FAM149B1: variants seen among roughly 807,000 people sequenced by gnomAD.
FAM149B1 encodes family with sequence similarity 149 member B1, also known as primary cilium assembly protein FAM149B1.
Under a neutral mutation model 75.3 loss-of-function variants are expected in FAM149B1, and 56 were observed. That is an observed-to-expected ratio of 0.74 (90% CI 0.60 to 0.93). FAM149B1 has a LOEUF of 0.93. FAM149B1 is among the 40% of genes least tolerant of loss of function. FAM149B1 has a pLI of 0.00. For synonymous variants in FAM149B1, 259 were observed against 256.1 expected, an observed-to-expected ratio of 1.01 and a Z score of -0.11; for missense variants, 639 against 708.4, an observed-to-expected ratio of 0.90 and a Z score of 1.11.
intron 2 of FAM149B1, 101 bp downstream of exon 2, chr10:73,174,892 C>A: frequency 1.3e-6 from 1 of 755,616 alleles, no homozygotes. Context: ...CTAATGAAAA[C>A]AAAGCAAGAA....
chr10:73,228,098 G>C lies in FAM149B1; in HGVS notation c.937G>C (p.Glu313Gln). Reference protein sequence around the residue: ...SNVAVTRPDSESSCVLSELHP... With the variant: ...SNVAVTRPDSQSSCVLSELHP... ...TGTTGCAGTTACCAGACCCGATTCAGAAAGTTCCTGTGTGCTGAGTGAACT... is the reference window on the plus strand; with the variant it reads ...TGTTGCAGTTACCAGACCCGATTCACAAAGTTCCTGTGTGCTGAGTGAACT... Residue 313 changes from glutamate to glutamine, a missense_variant, in exon 8 of 14, where the codon GAA (glutamate) becomes CAA (glutamine). Coordinates refer to ENST00000242505, the MANE Select transcript of FAM149B1 (RefSeq NM_173348.2). 1 of 1,551,514 alleles carries C rather than the reference G, an allele frequency of 6.4e-7. No homozygotes were observed. The highest frequency in any genetic ancestry group is 8.7e-7 in the Non-Finnish European group (1 of 1,146,768).
chr10:73,195,992 A>G (rs574608019), intron 5 of FAM149B1, among the ~76,000 whole-genome samples: 47 of 152,354 alleles, frequency 3.1e-4, no homozygotes, highest in African/African-American at 1.1e-3. Flanking sequence ...CTCGAGTACC[A>G]TTATGAACTC....
intron 7 of FAM149B1, among the ~76,000 whole-genome samples, chr10:73,212,536 A>G (rs540573828): frequency 6.9e-4 from 105 of 152,246 alleles, no homozygotes; most frequent in African/African-American, 2.4e-3. Flanking sequence ...TCAGCCTCCC[A>G]AAGTGCTGGG....
At chr10:73,203,176 G>T (rs183455270) in intron 5 of FAM149B1, among the ~76,000 whole-genome samples, 1 of 152,108 alleles carries the variant, frequency 6.6e-6, no homozygotes, top group Non-Finnish European at 1.5e-5. Flanking sequence ...CGCTTTCCAC[G>T]TAGCAGAAAG....
At position 73,243,791 on chromosome 10, in the gene FAM149B1, T is replaced by C; in HGVS notation, c.*2772T>C. 1 of 1,468,136 alleles carries C rather than the reference T, an allele frequency of 6.8e-7. No individual in the cohort carries two copies. Among genetic ancestry groups the C allele is most frequent in the African/African-American group, 1.4e-5 (1 of 71,176 alleles). 90.9% of individuals were successfully genotyped at this position (1,468,136 alleles called of 1,614,324 possible). A position where few individuals can be genotyped will look rare whatever the true frequency, so the allele number is the denominator to read the frequency against. On this transcript the variant is annotated 3_prime_UTR_variant, in exon 14 of 14. Transcript: ENST00000242505. ...AAATACAACATTCCAAAGAAAATATTAGCAGTAGGAATCAGATCATTAAAG... is the reference window on the plus strand; with the variant it reads ...AAATACAACATTCCAAAGAAAATATCAGCAGTAGGAATCAGATCATTAAAG...
At chr10:73,231,972 C>T (rs1213877558) in intron 9 of FAM149B1, among the ~76,000 whole-genome samples, 1 of 151,190 alleles carries the variant, frequency 6.6e-6, no homozygotes, top group Admixed American at 6.6e-5. Context: ...GGCAGGAAGA[C>T]CAGAACAGTC....
chr10:73,226,229 G>A (rs183634699), intron 7 of FAM149B1, among the ~76,000 whole-genome samples: 11 of 152,098 alleles, frequency 7.2e-5, no homozygotes, highest in Non-Finnish European at 1.5e-4. Context: ...ACTTTGGGCC[G>A]GGCACAGTGG....
At chr10:73,178,280 T>C (rs1012588114) in intron 3 of FAM149B1, among the ~76,000 whole-genome samples, 2 of 152,022 alleles carry the variant, frequency 1.3e-5, no homozygotes, top group Non-Finnish European at 2.9e-5. Context: ...TCACCTGAGG[T>C]TGGGAGTTCT....
intron 7 of FAM149B1, among the ~76,000 whole-genome samples, chr10:73,223,233 C>T (rs368232902): frequency 0.47 from 381 of 816 alleles, no homozygotes; most frequent in Middle Eastern, 0.5. Context: ...CGTACCCCCA[C>T]AAGATAACCC....
At chr10:73,240,494 C>T (rs950276792) in intron 13 of FAM149B1, among the ~76,000 whole-genome samples, 10 of 152,104 alleles carry the variant, frequency 6.6e-5, no homozygotes, top group Non-Finnish European at 1.0e-4. Flanking sequence ...GGGCGGATCA[C>T]GAGGTCAGCA....
intron 7 of FAM149B1, among the ~76,000 whole-genome samples, chr10:73,216,110 G>A (rs1183245953): frequency 6.7e-6 from 1 of 148,936 alleles, no homozygotes; most frequent in Non-Finnish European, 1.5e-5. Context: ...ATTTAGGATT[G>A]TTACATCTTG....
chr10:73,204,583 A>C (rs1450674749), intron 5 of FAM149B1, among the ~76,000 whole-genome samples: 1 of 152,214 alleles, frequency 6.6e-6, no homozygotes, highest in Non-Finnish European at 1.5e-5. Context: ...CTTTCTCCAG[A>C]GTAAACCCAC....
chr10:73,235,004 C>T lies in FAM149B1; in HGVS notation c.1476+64C>T, dbSNP rs903838392. The stretch of plus-strand genomic sequence containing the variant: ...TACAACCTAATGGGCAGTAATTCTG[C>T]AGGATCTGTGCCCTGATCTTGATTT... On this transcript the variant is annotated intron_variant, in intron 11 of 13. Transcript: ENST00000242505. 2.6e-5 allele frequency: 40 copies of T among 1,526,190 alleles called. No individual in the cohort carries two copies. In the African/African-American group the frequency reaches 5.2e-4, roughly 20 times the overall value. The allele number at this position is 1,526,190 out of a possible 1,614,324, so 94.5% of individuals were successfully genotyped here.
intron 10 of FAM149B1, chr10:73,234,611 T>C (rs1189348457): frequency 1.2e-5 from 7 of 565,556 alleles, no homozygotes; most frequent in Admixed American, 3.2e-5. Flanking sequence ...ACCCAGAGTA[T>C]AGAGCTTCAA....
rs1024185229 is a variant in FAM149B1 at position 73,243,176 on chromosome 10, C to T, written c.*2157C>T. 3 of 501,352 alleles carry T rather than the reference C, an allele frequency of 6.0e-6. No individual in the cohort carries two copies. The highest frequency in any genetic ancestry group is 7.0e-5 in the Admixed American group (2 of 28,536). 31.1% of individuals were successfully genotyped at this position (501,352 alleles called of 1,614,324 possible). On this transcript the variant is annotated 3_prime_UTR_variant, in exon 14 of 14. Transcript: ENST00000242505. ...CCTCCCTCCACCCTCCCAAATGTCA[C>T]CACCAAGTTCCTTCAGGTGAGACCT...
chr10:73,207,340 G>T (rs562010321), intron 5 of FAM149B1, among the ~76,000 whole-genome samples: 1 of 152,076 alleles, frequency 6.6e-6, no homozygotes, highest in Non-Finnish European at 1.5e-5. Context: ...AAGATGGGCA[G>T]ATCACTAGAG....
Position 73,235,174 on chromosome 10 carries a change from A to T in FAM149B1, c.1477-19A>T. 6.4e-7 allele frequency: 1 copy of T among 1,550,902 alleles called. No homozygotes were observed. The highest frequency in any genetic ancestry group is 8.7e-7 in the Non-Finnish European group (1 of 1,146,422). On this transcript the variant is annotated intron_variant, in intron 11 of 13. Coordinates refer to ENST00000242505, the MANE Select transcript of FAM149B1 (RefSeq NM_173348.2). ...ACAGATAGTTTTCACTGTTTCTGTA[A>T]CTTTTGTCTCCTCTGCAGAAACCCC...
chr10:73,222,824 T>C (rs996873589), intron 7 of FAM149B1, among the ~76,000 whole-genome samples: 1 of 152,230 alleles, frequency 6.6e-6, no homozygotes, highest in African/African-American at 2.4e-5. Flanking sequence ...CCAACATTTT[T>C]AAACTTTTTA....
At chr10:73,223,605 G>C (rs950670273) in intron 7 of FAM149B1, among the ~76,000 whole-genome samples, 13 of 152,298 alleles carry the variant, frequency 8.5e-5, no homozygotes, top group Admixed American at 5.9e-4. Context: ...AATTTTCAAA[G>C]TGGTTATACC....
Sources: allele counts gnomAD v4.1 joint callset (sites outside exome capture counted in the v4.1 genomes callset), GRCh38; gene constraint gnomAD v4.1.1; transcripts MANE v1.5; gene names NCBI Gene and HGNC (gene_info 2026-07-23, HGNC 2026-07-21).